The following PPP3CC variants were observed in gnomAD, a reference collection of about 807,000 sequenced individuals.
PPP3CC encodes protein phosphatase 3 catalytic subunit gamma.
Under a neutral mutation model 60.3 loss-of-function variants are expected in PPP3CC, and 35 were observed. The ratio of observed to expected loss-of-function variants is 0.58; its 90% CI spans 0.44 to 0.77. The LOEUF (loss-of-function observed/expected upper bound fraction) is 0.77. Ranked by LOEUF, PPP3CC falls within the 30% of genes least tolerant of loss-of-function variation. The pLI is 0.00. For missense variants in PPP3CC, 570 were observed against 628.9 expected (o/e 0.91, Z 1.00); for synonymous variants, 206 against 224.3 (o/e 0.92, Z 0.73).
chr8:22,458,628 TAAATA>T (rs1377339160), intron 1 of PPP3CC, among the ~76,000 whole-genome samples: 12 of 151,166 alleles, frequency 7.9e-5, no homozygotes, highest in Admixed American at 4.6e-4. Context: ...TAAAAATAAA[TAAATA>T]AAATAAAGTA....
intron 3 of PPP3CC, among the ~76,000 whole-genome samples, chr8:22,496,847 G>A (rs562043247): frequency 3.5e-4 from 53 of 152,122 alleles, no homozygotes; most frequent in African/African-American, 1.2e-3. Context: ...AACAAGGGAT[G>A]TCTTTCCATT....
At position 22,441,338 on chromosome 8, in the gene PPP3CC, G is replaced by A. The variant is rs1450528867; in HGVS notation, c.-72G>A. On this transcript the variant is annotated 5_prime_UTR_variant, in exon 1 of 14. Transcript: ENST00000240139. ...GCTCCGGGCAGCTAAGGCTGCCCGA[G>A]GAGAAGGCGGCGGCCGCGGCGTAGG... 6.8e-7 allele frequency: 1 copy of A among 1,467,302 alleles called. No homozygotes were observed. The highest frequency in any genetic ancestry group is 2.2e-5 in the Admixed American group (1 of 46,166). 90.9% of individuals were successfully genotyped at this position (1,467,302 alleles called of 1,614,324 possible).
chr8:22,529,448 C>T (rs1839643687), intron 10 of PPP3CC, among the ~76,000 whole-genome samples: 1 of 151,992 alleles, frequency 6.6e-6, no homozygotes, highest in Admixed American at 6.6e-5. Flanking sequence ...TGTTTGTTGG[C>T]AATGTTTATC....
At chr8:22,474,801 C>T (rs748408009) in intron 1 of PPP3CC, among the ~76,000 whole-genome samples, 153 bp from the exon 2 acceptor site, 1 of 152,078 alleles carries the variant, frequency 6.6e-6, no homozygotes, top group Non-Finnish European at 1.5e-5. Context: ...ATTTATGATA[C>T]ATAGTATCTT....
intron 1 of PPP3CC, among the ~76,000 whole-genome samples, chr8:22,447,132 T>A (rs1421726138): frequency 6.6e-6 from 1 of 150,726 alleles, no homozygotes; most frequent in Non-Finnish European, 1.5e-5. Context: ...GCCTCCCGAG[T>A]AGTTGGAACC....
intron 3 of PPP3CC, among the ~76,000 whole-genome samples, chr8:22,489,926 A>G (rs755879852): frequency 1.3e-4 from 20 of 151,000 alleles, no homozygotes; most frequent in Non-Finnish European, 2.7e-4. Flanking sequence ...GGTTCAAGCA[A>G]TTCTCCTGCC....
At chr8:22,528,476 G>A (rs757557470) in intron 9 of PPP3CC, 30 bp from the exon 10 acceptor site, 30 of 1,440,612 alleles carry the variant, frequency 2.1e-5, no homozygotes, top group Admixed American at 1.2e-4. Flanking sequence ...CATTAATCGC[G>A]TAAATTTTGG....
intron 6 of PPP3CC, among the ~76,000 whole-genome samples, chr8:22,514,341 A>G (rs74987498): frequency 0.019 from 2,948 of 151,960 alleles, 106 homozygotes; most frequent in African/African-American, 0.067. Context: ...CAAATAATAC[A>G]TATGTTTATT....
At chr8:22,451,415 C>T (rs1171859941) in intron 1 of PPP3CC, among the ~76,000 whole-genome samples, 5 of 152,188 alleles carry the variant, frequency 3.3e-5, no homozygotes, top group Admixed American at 6.5e-5. Flanking sequence ...GGATTACAGG[C>T]GTGAGCCACT....
At chr8:22,535,876 C>T (rs1319002319) in intron 12 of PPP3CC, among the ~76,000 whole-genome samples, 5 of 152,154 alleles carry the variant, frequency 3.3e-5, no homozygotes, top group African/African-American at 1.2e-4. Context: ...GAACTACAGG[C>T]GTACACCGCC....
At chr8:22,488,653 A>AT (rs1838294497) in intron 3 of PPP3CC, among the ~76,000 whole-genome samples, 1 of 152,240 alleles carries the variant, frequency 6.6e-6, no homozygotes, top group Non-Finnish European at 1.5e-5. Flanking sequence ...GAGGGACAGC[A>AT]TCATGTATTT....
intron 4 of PPP3CC, among the ~76,000 whole-genome samples, chr8:22,498,740 A>G (rs1838667190): frequency 6.6e-6 from 1 of 152,206 alleles, no homozygotes; most frequent in South Asian, 2.1e-4. Flanking sequence ...ACACAATCAT[A>G]TATGTAGCCA....
At chr8:22,514,989 T>C (rs963031282) in intron 6 of PPP3CC, among the ~76,000 whole-genome samples, 2 of 152,222 alleles carry the variant, frequency 1.3e-5, no homozygotes, top group African/African-American at 4.8e-5. Flanking sequence ...CTTCTAGTTA[T>C]TTTAAAATTT....
intron 3 of PPP3CC, among the ~76,000 whole-genome samples, chr8:22,477,965 C>T (rs1267010048): frequency 6.6e-6 from 1 of 152,224 alleles, no homozygotes; most frequent in African/African-American, 2.4e-5. Flanking sequence ...ATTCTTCTGC[C>T]TCAGCCTCCC....
chr8:22,443,277 CT>C (rs1476154539), intron 1 of PPP3CC, among the ~76,000 whole-genome samples: 9 of 152,108 alleles, frequency 5.9e-5, no homozygotes, highest in African/African-American at 2.2e-4. Context: ...AACCCCAGCA[CT>C]TTGGAAGGCC....
At chr8:22,493,550 T>C (rs901650976) in intron 3 of PPP3CC, among the ~76,000 whole-genome samples, 11 of 152,176 alleles carry the variant, frequency 7.2e-5, no homozygotes, top group African/African-American at 2.4e-4. Flanking sequence ...TTTTTTACTT[T>C]TAAAATTTTT....
intron 1 of PPP3CC, among the ~76,000 whole-genome samples, chr8:22,470,059 TAC>T (rs55658283): frequency 0.075 from 10,865 of 145,714 alleles, 446 homozygotes; most frequent in South Asian, 0.11. Context: ...TATATATATA[TAC>T]ACACACACAC....
intron 9 of PPP3CC, among the ~76,000 whole-genome samples, 184 bp from the exon 10 acceptor site, chr8:22,528,322 C>A (rs573750717): frequency 2.6e-5 from 4 of 152,224 alleles, no homozygotes; most frequent in African/African-American, 9.6e-5. Flanking sequence ...AGTAATCTAC[C>A]CAAATTCTTT....
chr8:22,504,844 A>C (rs1321616718), intron 4 of PPP3CC, among the ~76,000 whole-genome samples: 2 of 151,766 alleles, frequency 1.3e-5, no homozygotes, highest in Non-Finnish European at 2.9e-5. Context: ...CCTCCTGAGT[A>C]GCTGGGACTA....
Sources: allele counts gnomAD v4.1 joint callset (sites outside exome capture counted in the v4.1 genomes callset), GRCh38; gene constraint gnomAD v4.1.1; transcripts MANE v1.5; gene names NCBI Gene and HGNC (gene_info 2026-07-23, HGNC 2026-07-21).